Variants in METTL15 observed in about 807,000 individuals in gnomAD.
METTL15 encodes methyltransferase 15, mitochondrial 12S rRNA N4-cytidine.
Under a neutral mutation model 38.3 loss-of-function variants are expected in METTL15, and 34 were observed. The observed-to-expected ratio is 0.89, with a 90% CI of 0.68 to 1.18. METTL15 has a LOEUF of 1.18. Ranked by LOEUF, METTL15 falls within the 50% of genes most tolerant of loss-of-function variation. METTL15 has a pLI of 0.00. For synonymous variants in METTL15, 162 were observed against 170.9 expected, an observed-to-expected ratio of 0.95 and a Z score of 0.41; for missense variants, 438 against 498.4, an observed-to-expected ratio of 0.88 and a Z score of 1.15.
intron 4 of METTL15, among the ~76,000 whole-genome samples, chr11:28,223,129 G>A (rs943730235): frequency 6.6e-6 from 1 of 152,006 alleles, no homozygotes; most frequent in Non-Finnish European, 1.5e-5. Context: ...GAATATCTAA[G>A]GAAACATGTT....
At chr11:28,268,775 C>A (rs1409529348) in intron 4 of METTL15, among the ~76,000 whole-genome samples, 6 of 152,104 alleles carry the variant, frequency 3.9e-5, no homozygotes, top group Admixed American at 2.0e-4. Flanking sequence ...TCCCATGTCC[C>A]TGATTAGGAT....
chr11:28,495,537 G>A (rs900699203), intron 6 of METTL15, among the ~76,000 whole-genome samples: 2 of 152,056 alleles, frequency 1.3e-5, no homozygotes, highest in African/African-American at 4.8e-5. Flanking sequence ...CAACTGTGAG[G>A]AATTATAATG....
At chr11:28,450,521 G>T (rs1369993371) in intron 6 of METTL15, among the ~76,000 whole-genome samples, 1 of 152,168 alleles carries the variant, frequency 6.6e-6, no homozygotes, top group East Asian at 1.9e-4. Context: ...AAAGGTAAAA[G>T]CTTATTGAAT....
intron 5 of METTL15, among the ~76,000 whole-genome samples, chr11:28,419,914 T>A (rs1253861284): frequency 6.6e-6 from 1 of 152,058 alleles, no homozygotes; most frequent in Non-Finnish European, 1.5e-5. Flanking sequence ...GTAGAATTGA[T>A]CAAACAGAAG....
At chr11:28,171,599 A>G (rs905040107) in intron 3 of METTL15, among the ~76,000 whole-genome samples, 2 of 152,196 alleles carry the variant, frequency 1.3e-5, no homozygotes, top group African/African-American at 4.8e-5. Context: ...TCGTTTTAAC[A>G]CATTTTTATC....
chr11:28,417,693 T>C (rs1459387755), intron 5 of METTL15, among the ~76,000 whole-genome samples: 1 of 152,150 alleles, frequency 6.6e-6, no homozygotes, highest in East Asian at 1.9e-4. Context: ...TTTGTTAAAC[T>C]TAGGATAGTA....
chr11:28,134,535 C>G (rs1391969189), intron 3 of METTL15: 2 of 398,348 alleles, frequency 5.0e-6, no homozygotes, highest in Non-Finnish European at 8.8e-6. Flanking sequence ...CCCTTTCATT[C>G]CCTCCTTCAG....
intron 4 of METTL15, among the ~76,000 whole-genome samples, chr11:28,270,470 T>C (rs571732087): frequency 6.6e-6 from 1 of 152,202 alleles, no homozygotes; most frequent in East Asian, 1.9e-4. Flanking sequence ...GTAGGATGAG[T>C]TCCAACTCTA....
intron 6 of METTL15, among the ~76,000 whole-genome samples, chr11:28,438,131 A>G (rs1034899522): frequency 2.0e-5 from 3 of 152,240 alleles, no homozygotes; most frequent in Non-Finnish European, 4.4e-5. Flanking sequence ...AAATAATTTC[A>G]TGATTGATGT....
At chr11:28,161,037 ACATTAAG>A (rs1369558652) in intron 3 of METTL15, among the ~76,000 whole-genome samples, 2 of 152,028 alleles carry the variant, frequency 1.3e-5, no homozygotes, top group African/African-American at 4.8e-5. Flanking sequence ...AAAGTAAATC[ACATTAAG>A]TATTAAGTAT....
At chr11:28,467,671 C>G (rs1851268246) in intron 6 of METTL15, among the ~76,000 whole-genome samples, 1 of 152,148 alleles carries the variant, frequency 6.6e-6, no homozygotes, top group South Asian at 2.1e-4. Flanking sequence ...AGTGTCTTCT[C>G]TGTACCAAGT....
chr11:28,508,747 C>T (rs1851650393), intron 6 of METTL15, among the ~76,000 whole-genome samples: 1 of 152,104 alleles, frequency 6.6e-6, no homozygotes, highest in South Asian at 2.1e-4. Context: ...TTGGGGGATG[C>T]TGATTTAAGA....
intron 6 of METTL15, among the ~76,000 whole-genome samples, chr11:28,492,432 G>T (rs371743048): frequency 6.0e-4 from 92 of 152,150 alleles, no homozygotes; most frequent in African/African-American, 2.2e-3. Flanking sequence ...CCTGTGGGGG[G>T]TGGTAAGTGC....
chr11:28,207,947 G>T (rs1469167778), intron 3 of METTL15, among the ~76,000 whole-genome samples: 1 of 152,134 alleles, frequency 6.6e-6, no homozygotes, highest in Admixed American at 6.6e-5. Flanking sequence ...TGTGGGATCT[G>T]TGGTGATATC....
intron 4 of METTL15, among the ~76,000 whole-genome samples, chr11:28,235,110 A>G (rs925189168): frequency 2.0e-5 from 3 of 152,112 alleles, no homozygotes; most frequent in African/African-American, 4.8e-5. Context: ...AATATCAGAT[A>G]GTTGTAGATA....
intron 6 of METTL15, among the ~76,000 whole-genome samples, chr11:28,472,357 C>G (rs528783975): frequency 5.5e-4 from 83 of 152,232 alleles, no homozygotes; most frequent in Non-Finnish European, 1.0e-3. Context: ...GTAATTTACC[C>G]AACATGAATC....
At chr11:28,155,310 A>G (rs1472949129) in intron 3 of METTL15, among the ~76,000 whole-genome samples, 1 of 152,306 alleles carries the variant, frequency 6.6e-6, no homozygotes, top group East Asian at 1.9e-4. Context: ...AAAAACAACT[A>G]ACTTTTCTAA....
At chr11:28,484,332 A>T (rs371975241) in intron 6 of METTL15, among the ~76,000 whole-genome samples, 3 of 152,300 alleles carry the variant, frequency 2.0e-5, no homozygotes, top group South Asian at 4.2e-4. Flanking sequence ...GGACGTAGGC[A>T]GTCTGGTTTC....
intron 3 of METTL15, among the ~76,000 whole-genome samples, chr11:28,194,062 C>G (rs1851797878): frequency 6.6e-6 from 1 of 151,964 alleles, no homozygotes; most frequent in African/African-American, 2.4e-5. Flanking sequence ...CAAAATAGCT[C>G]TGTCATTTAA....
Sources: allele counts gnomAD v4.1 joint callset (sites outside exome capture counted in the v4.1 genomes callset), GRCh38; gene constraint gnomAD v4.1.1; transcripts MANE v1.5; gene names NCBI Gene and HGNC (gene_info 2026-07-23, HGNC 2026-07-21).